The following CHD2 variants were observed in gnomAD, a reference collection of about 807,000 sequenced individuals.
CHD2 encodes the protein chromodomain helicase DNA binding protein 2.
Under a neutral mutation model 243.9 loss-of-function variants are expected in CHD2, and 28 were observed. That is an observed-to-expected ratio of 0.11 (90% confidence interval 0.09 to 0.16). The LOEUF (loss-of-function observed/expected upper bound fraction) is 0.16. Among genes scored for constraint, CHD2 ranks in the 10% least tolerant of loss-of-function variants. CHD2 has a pLI of 1.00. For missense variants in CHD2, 1,386 were observed against 2,209.8 expected (o/e 0.63, Z 7.47); for synonymous variants, 775 against 779.0 (o/e 0.99, Z 0.09).
At position 92,953,471 on chromosome 15, in the gene CHD2, C is replaced by T. The variant is rs2053579682; in HGVS notation, c.1617C>T (p.Val539=). The T allele has an allele frequency of 3.1e-6, 5 of 1,613,994 alleles. No individual in the cohort carries two copies. Among genetic ancestry groups the T allele is most frequent in the Non-Finnish European group, 4.2e-6 (5 of 1,180,030 alleles). The stretch of plus-strand genomic sequence containing the variant: ...AGCTGTATGGCCCCTTTCTTATAGT[C>T]GTCCCTTTATCCACCCTCACCTCAT... ...QHQLYGPFLI[V]VPLSTLTSWQ... is the part of the protein sequence containing the mutation. Residue 539 remains valine (V), a synonymous_variant, in exon 14 of 39, where the codon GTC becomes GTT. Transcript: ENST00000394196.
chr15:92,931,818 C>T (rs982921415), intron 5 of CHD2, among the ~76,000 whole-genome samples: 1 of 151,226 alleles, frequency 6.6e-6, no homozygotes, highest in Non-Finnish European at 1.5e-5. Context: ...TTTATAAGCA[C>T]AGTACAGTAC....
intron 2 of CHD2, among the ~76,000 whole-genome samples, chr15:92,907,541 G>T (rs902772340): frequency 4.6e-5 from 7 of 152,180 alleles, no homozygotes; most frequent in African/African-American, 1.7e-4. Context: ...TTACCTCTGT[G>T]CCTGGCAAGA....
At chr15:92,984,554 A>G in intron 25 of CHD2, 54 bp downstream of exon 25, 16 of 1,499,338 alleles carry the variant, frequency 1.1e-5, no homozygotes, top group South Asian at 1.4e-5. Flanking sequence ...TGAATGCTAC[A>G]GAAGTGTTGA....
chr15:92,974,843 C>T (rs776286759), intron 19 of CHD2, 36 bp from the exon 20 acceptor site: 2 of 1,594,974 alleles, frequency 1.3e-6, no homozygotes, highest in Non-Finnish European at 1.7e-6. Context: ...AGCTGATCTT[C>T]CTATCTTACA....
intron 36 of CHD2, 84 bp from the exon 37 acceptor site, chr15:93,014,612 C>T: frequency 8.7e-7 from 1 of 1,155,866 alleles, no homozygotes; most frequent in South Asian, 1.5e-5. Flanking sequence ...CAAGAAGGAG[C>T]TGTTTAGAGG....
At chr15:92,966,100 G>A (rs2053759751) in intron 16 of CHD2, among the ~76,000 whole-genome samples, 1 of 129,490 alleles carries the variant, frequency 7.7e-6, no homozygotes, top group Non-Finnish European at 1.6e-5. Context: ...GAGTCTCACT[G>A]TCACCCAGGC....
At chr15:92,991,620 A>ATT in intron 27 of CHD2, 103 bp downstream of exon 27, 3 of 719,682 alleles carry the variant, frequency 4.2e-6, no homozygotes, top group Admixed American at 3.1e-5. Context: ...TGCTGGGAAC[A>ATT]TTTTTTTTTC....
At chr15:92,913,586 C>T (rs973038661) in intron 2 of CHD2, among the ~76,000 whole-genome samples, 20 of 152,166 alleles carry the variant, frequency 1.3e-4, no homozygotes, top group Non-Finnish European at 1.9e-4. Flanking sequence ...CTGGGCACGG[C>T]GGTTCACGCC....
At chr15:93,020,543 T>C (rs1431896665) in intron 38 of CHD2, 4 of 584,778 alleles carry the variant, frequency 6.8e-6, no homozygotes, top group Non-Finnish European at 1.2e-5. Flanking sequence ...ACCAAAATTA[T>C]TAAGCTCTGT....
chr15:92,905,062 A>G, intron 2 of CHD2: 8 of 1,433,484 alleles, frequency 5.6e-6, no homozygotes, highest in Non-Finnish European at 7.5e-6. Flanking sequence ...ATAGTTTAGT[A>G]GAAAATAGAA....
chr15:92,975,601 A>G (rs2141839946), intron 20 of CHD2, among the ~76,000 whole-genome samples: 1 of 151,806 alleles, frequency 6.6e-6, no homozygotes, highest in Middle Eastern at 3.4e-3. Context: ...TAAAGGAAGC[A>G]GTGGAGACAA....
chr15:93,012,534 T>A, intron 36 of CHD2, 90 bp downstream of exon 36: 1 of 858,084 alleles, frequency 1.2e-6, no homozygotes. Context: ...GGGGAGATGA[T>A]CACAGAATCA....
At chr15:92,973,475 T>C in intron 19 of CHD2, among the ~76,000 whole-genome samples, 1 of 152,208 alleles carries the variant, frequency 6.6e-6, no homozygotes, top group Non-Finnish European at 1.5e-5. Flanking sequence ...CTCACATAAT[T>C]ATGTTGGGAT....
chr15:93,000,285 G>T (rs1462380940), intron 31 of CHD2, among the ~76,000 whole-genome samples: 1 of 152,000 alleles, frequency 6.6e-6, no homozygotes, highest in Non-Finnish European at 1.5e-5. Flanking sequence ...AACGAAAAAG[G>T]AATATGGACA....
rs549437384 is a variant in CHD2 at position 93,015,163 on chromosome 15, C to T, written c.4906+254C>T. Among the ~76,000 whole-genome samples, 4 of 152,280 alleles carry T rather than the reference C, an allele frequency of 2.6e-5. No individual in the cohort carries two copies. In the East Asian group the frequency reaches 7.7e-4, roughly 29 times the overall value. ...GCACAATCTCGGCTCACTGCAACCT[C>T]CACCTCCTGGGTTCAGGCGATTCTC... On this transcript the variant is annotated intron_variant, in intron 37 of 38. Coordinates refer to ENST00000394196, the MANE Select transcript of CHD2 (RefSeq NM_001271.4).
intron 27 of CHD2, 30 bp downstream of exon 27, chr15:92,991,547 C>A: frequency 6.5e-7 from 1 of 1,544,342 alleles, no homozygotes; most frequent in East Asian, 2.3e-5. Flanking sequence ...CCCTTATCTT[C>A]CTCTTTTTTG....
intron 17 of CHD2, 81 bp from the exon 18 acceptor site, chr15:92,971,684 T>C (rs944448091): frequency 5.9e-5 from 74 of 1,261,790 alleles, no homozygotes; most frequent in Non-Finnish European, 8.0e-5. Flanking sequence ...ACAATACTAC[T>C]ACTATCTCTT....
chr15:92,961,239 A>T (rs1254295433), intron 16 of CHD2, among the ~76,000 whole-genome samples: 1 of 151,766 alleles, frequency 6.6e-6, no homozygotes, highest in East Asian at 1.9e-4. Context: ...TTGTGGGAAA[A>T]TTTTTAATGA....
chr15:92,999,083 C>CAAAAAAAAAAAA (rs55738843), intron 31 of CHD2, among the ~76,000 whole-genome samples: 8 of 65,524 alleles, frequency 1.2e-4, no homozygotes, highest in South Asian at 7.0e-4. Context: ...GACTCCGTCT[C>CAAAAAAAAAAAA]AAAAAAAAAA....
Sources: allele counts gnomAD v4.1 joint callset (sites outside exome capture counted in the v4.1 genomes callset), GRCh38; gene constraint gnomAD v4.1.1; transcripts MANE v1.5; gene names NCBI Gene and HGNC (gene_info 2026-07-23, HGNC 2026-07-21).